The following ZGRF1 variants were observed in gnomAD, a reference collection of about 807,000 sequenced individuals.
The protein encoded by ZGRF1 is 5'-3' DNA helicase ZGRF1.
In ZGRF1, 196 loss-of-function variants were observed where a neutral mutation model predicts 203.5. The ratio of observed to expected loss-of-function variants is 0.96; its 90% CI spans 0.86 to 1.08. The LOEUF is 1.08. Among genes scored for constraint, ZGRF1 ranks in the 50% least tolerant of loss-of-function variants. The pLI, the probability that ZGRF1 is intolerant of heterozygous loss-of-function variation, is 0.00. For missense variants in ZGRF1, 2,326 were observed against 2,416.3 expected (o/e 0.96, Z 0.78); for synonymous variants, 809 against 841.3 (o/e 0.96, Z 0.66).
rs762542117 is a variant in ZGRF1, at chr4:112,625,504, GA to G, written c.103-1629del. ...GGAGGCTGAGGCAGGAGAATGGCGTGAAACCCGGGAGGCGGAGCTTGCAGTA... is the reference window on the plus strand; with the variant it reads ...GGAGGCTGAGGCAGGAGAATGGCGTGAACCCGGGAGGCGGAGCTTGCAGTA... On this transcript the variant is annotated intron_variant, in intron 3 of 27. Coordinates refer to ENST00000505019, the MANE Select transcript of ZGRF1 (RefSeq NM_018392.5). Among the ~76,000 whole-genome samples, 43 of 147,888 alleles carry G rather than the reference GA, an allele frequency of 2.9e-4. No homozygotes were observed. In the East Asian group the frequency reaches 3.2e-3, roughly 11 times the overall value.
At position 112,554,643 on chromosome 4, in the gene ZGRF1, G is replaced by A. The variant is rs138836898; in HGVS notation, c.5198+62C>T. The A allele has an allele frequency of 5.3e-5, 41 of 774,502 alleles. No individual in the cohort carries two copies. In the African/African-American group the frequency reaches 5.4e-4, roughly 10 times the overall value. 48.0% of individuals were successfully genotyped at this position (774,502 alleles called of 1,614,324 possible). A position where few individuals can be genotyped will look rare whatever the true frequency, so the allele number is the denominator to read the frequency against. ...CAAAAATCAAACTTAAGGTAAGAGT[G>A]ATATAAAAGTACCATACTTCCCTCT... On this transcript the variant is annotated intron_variant, in intron 21 of 27. Coordinates refer to ENST00000505019, the MANE Select transcript of ZGRF1 (RefSeq NM_018392.5).
intron 10 of ZGRF1, among the ~76,000 whole-genome samples, chr4:112,591,680 T>G (rs1404481109): frequency 2.6e-5 from 4 of 152,174 alleles, no homozygotes; most frequent in African/African-American, 9.7e-5. Flanking sequence ...CTCTTGCTAT[T>G]CCCTGTGCCT....
Position 112,606,018 on chromosome 4 carries a change from C to T in ZGRF1, c.2792G>A (p.Cys931Tyr). 1 of 1,593,164 alleles carries T rather than the reference C, an allele frequency of 6.3e-7. No homozygotes were observed. The change falls in exon 9 of 28, where the codon TGT becomes TAT. Residue 931 changes from cysteine to tyrosine, a missense_variant. Physicochemically the swap from Cys to Tyr is radical, Grantham distance 194. Transcript: ENST00000505019. ...CTTCACAAATTTTACCTTAGGGTCA[C>T]AGGTTTTTCTCTCTATTTGTTTAGG... is the stretch of plus-strand genomic sequence containing the variant. ...VIPKQIERKT[C>Y]DPKPVEFQGH...
chr4:112,583,055 G>A (rs555404312), intron 15 of ZGRF1, among the ~76,000 whole-genome samples: 7 of 151,818 alleles, frequency 4.6e-5, no homozygotes, highest in South Asian at 4.2e-4. Flanking sequence ...ATTTTTTTGC[G>A]GAACCTCATT....
At chr4:112,588,172 CT>C (rs1335928522) in intron 11 of ZGRF1, among the ~76,000 whole-genome samples, 8 of 150,978 alleles carry the variant, frequency 5.3e-5, no homozygotes, top group African/African-American at 1.7e-4. Context: ...TCTTCTCCTC[CT>C]TTTTTTTTCC....
intron 1 of ZGRF1, among the ~76,000 whole-genome samples, chr4:112,635,371 C>A (rs964589547): frequency 2.0e-5 from 3 of 151,856 alleles, no homozygotes; most frequent in African/African-American, 7.2e-5. Context: ...CTACCATATG[C>A]TAGAAACTGT....
rs139151446 is a variant in ZGRF1 at position 112,544,350 on chromosome 4, C to A, written c.5598+2935G>T. Among the ~76,000 whole-genome samples, 818 of 152,186 alleles carry A rather than the reference C, an allele frequency of 5.4e-3. 12 individuals are homozygous for A. The highest frequency in any genetic ancestry group is 0.019 in the African/African-American group (771 of 41,542). On this transcript the variant is annotated intron_variant, in intron 24 of 27. Transcript: ENST00000505019. ...AACAAAGAAAGATTTACAGCCAACCCAATGCCATAAACTTAAAAAAGTACT... is the reference window on the plus strand; with the variant it reads ...AACAAAGAAAGATTTACAGCCAACCAAATGCCATAAACTTAAAAAAGTACT...
intron 16 of ZGRF1, 115 bp downstream of exon 16, chr4:112,581,548 A>C: frequency 4.2e-6 from 2 of 475,032 alleles, no homozygotes; most frequent in Non-Finnish European, 6.4e-6. Context: ...TATTACTATT[A>C]AATTATACTT....
intron 16 of ZGRF1, among the ~76,000 whole-genome samples, chr4:112,572,190 G>A (rs1030919618): frequency 2.0e-5 from 3 of 152,132 alleles, no homozygotes; most frequent in Non-Finnish European, 4.4e-5. Context: ...CATGGTACTG[G>A]TATAAAAACA....
At chr4:112,629,935 CT>C in intron 3 of ZGRF1, 1 of 331,444 alleles carries the variant, frequency 3.0e-6, no homozygotes, top group South Asian at 2.2e-5. Flanking sequence ...AGGATAATCA[CT>C]TGAACCTTGG....
chr4:112,584,837 AATGAGT>A (rs1026916206), intron 14 of ZGRF1, among the ~76,000 whole-genome samples: 9 of 152,232 alleles, frequency 5.9e-5, no homozygotes, highest in African/African-American at 2.2e-4. Context: ...ACAGTTCTAC[AATGAGT>A]ATAAGTCATC....
intron 21 of ZGRF1, among the ~76,000 whole-genome samples, chr4:112,554,265 AT>A (rs1740532705): frequency 7.7e-6 from 1 of 130,260 alleles, no homozygotes; most frequent in African/African-American, 3.0e-5. Flanking sequence ...ATGTGTTCTC[AT>A]TGTTCAATTC....
chr4:112,633,305 TCTC>T, intron 1 of ZGRF1, 63 bp from the exon 2 acceptor site: 1 of 763,420 alleles, frequency 1.3e-6, no homozygotes, highest in Non-Finnish European at 2.2e-6. Flanking sequence ...ATATAATTTT[TCTC>T]AATAAACTCC....
At chr4:112,581,026 C>T (rs1344353877) in intron 16 of ZGRF1, among the ~76,000 whole-genome samples, 1 of 151,986 alleles carries the variant, frequency 6.6e-6, no homozygotes, top group African/African-American at 2.4e-5. Context: ...TTGGAACCAA[C>T]CCAAATGTCC....
chr4:112,587,796 G>A lies in ZGRF1; in HGVS notation c.3261C>T (p.Ile1087=), dbSNP rs1038773529. 2 of 1,552,210 alleles carry A rather than the reference G, an allele frequency of 1.3e-6. No homozygotes were observed. Among genetic ancestry groups the A allele is most frequent in the Non-Finnish European group, 1.7e-6 (2 of 1,147,136 alleles). Residue 1087 remains isoleucine (I), a synonymous_variant, in exon 12 of 28, where the codon ATC becomes ATT. Transcript: ENST00000505019. ...CAGAAGACTCGTATGTGTTAGAGTT[G>A]ATCATATACGAATGAGAGTCTAAGT... ...PPDLDSHSYM[I]NSNTYESSGS...
intron 24 of ZGRF1, 66 bp downstream of exon 24, chr4:112,547,219 T>C: frequency 6.9e-7 from 1 of 1,450,232 alleles, no homozygotes; most frequent in Admixed American, 2.3e-5. Flanking sequence ...TCATTCTCTA[T>C]CAACACACAC....
rs1331084335 is a variant in ZGRF1, at chr4:112,548,379, AC to A, written c.5347del (p.Val1783PhefsTer3). ...LGTNRTLLKQ[V>X]RVVGVTCAAC... ...TGCACAGGTAACTCCAACTACTCGA[AC>A]CTTTATTACAACAAAAATGTTATTA... On this transcript the variant is annotated frameshift_variant and splice_region_variant, in exon 23 of 28. Transcript: ENST00000505019. LOFTEE classifies it high-confidence loss of function. 3 of 1,546,958 alleles carry A rather than the reference AC, an allele frequency of 1.9e-6. No homozygotes were observed. The highest frequency in any genetic ancestry group is 4.9e-5 in the East Asian group (2 of 40,996).
chr4:112,574,135 CA>C (rs2148955426), intron 16 of ZGRF1, among the ~76,000 whole-genome samples: 1 of 152,210 alleles, frequency 6.6e-6, no homozygotes, highest in East Asian at 1.9e-4. Context: ...GAGTAATATT[CA>C]AAAGAAACCC....
At chr4:112,574,417 T>C (rs952440246) in intron 16 of ZGRF1, among the ~76,000 whole-genome samples, 4 of 152,176 alleles carry the variant, frequency 2.6e-5, no homozygotes, top group African/African-American at 9.7e-5. Context: ...AAATTTTATA[T>C]AGCTCTTTAG....
Sources: gnomAD v4.1 joint callset for allele counts (sites outside exome capture counted in the v4.1 genomes callset) on GRCh38, gnomAD v4.1.1 for gene constraint, MANE v1.5 for transcripts, NCBI Gene and HGNC (gene_info 2026-07-23, HGNC 2026-07-21) for gene names.